The following LUZP2 variants were observed in gnomAD, a reference collection of about 807,000 sequenced individuals.
LUZP2 encodes leucine zipper protein 2.
Under a neutral mutation model 51.6 loss-of-function variants are expected in LUZP2, and 52 were observed. That is an observed-to-expected ratio of 1.01 (90% CI 0.81 to 1.27). The LOEUF is 1.27. LUZP2 is among the 50% of genes most tolerant of loss of function. The pLI is 0.00. For missense variants in LUZP2, 436 were observed against 395.4 expected (o/e 1.10, Z -0.87); for synonymous variants, 154 against 137.3 (o/e 1.12, Z -0.85).
At chr11:25,051,343 T>C (rs1318499441) in intron 10 of LUZP2, among the ~76,000 whole-genome samples, 1 of 152,076 alleles carries the variant, frequency 6.6e-6, no homozygotes, top group Non-Finnish European at 1.5e-5. Flanking sequence ...AAAAATGAAT[T>C]ACTCAACAGT....
chr11:24,959,519 T>C (rs1855328149), intron 7 of LUZP2, among the ~76,000 whole-genome samples: 1 of 152,164 alleles, frequency 6.6e-6, no homozygotes, highest in African/African-American at 2.4e-5. Flanking sequence ...TTGAAGCAAT[T>C]GTGAATGGGA....
intron 5 of LUZP2, among the ~76,000 whole-genome samples, chr11:24,880,287 A>G (rs559841308): frequency 7.0e-3 from 283 of 40,484 alleles, no homozygotes; most frequent in Admixed American, 0.015. Flanking sequence ...TCCCAAATTT[A>G]GACTCTCTCC....
intron 7 of LUZP2, among the ~76,000 whole-genome samples, chr11:24,922,825 CTTTTTTTTTTTCTTTTTTTTTTTT>C (rs1854103600): frequency 2.2e-5 from 1 of 44,622 alleles, no homozygotes; most frequent in Non-Finnish European, 6.4e-5. Flanking sequence ...ACAGTTATAT[CTTTTTTTTTTTCTTTTTTTTTTTT>C]TTTTTTTTTT....
At chr11:24,643,254 CAAA>C (rs570616833) in intron 1 of LUZP2, among the ~76,000 whole-genome samples, 2 of 75,722 alleles carry the variant, frequency 2.6e-5, no homozygotes, top group African/African-American at 5.6e-5. Context: ...ACTAAAAGTA[CAAA>C]AAAAAAAAAA....
At chr11:24,949,483 AT>A (rs1347439676) in intron 7 of LUZP2, among the ~76,000 whole-genome samples, 9 of 151,758 alleles carry the variant, frequency 5.9e-5, no homozygotes, top group African/African-American at 1.9e-4. Flanking sequence ...TTTATAAAAC[AT>A]TTTGAGTACA....
At chr11:24,739,126 G>A (rs137918708) in intron 4 of LUZP2, among the ~76,000 whole-genome samples, 1,734 of 152,172 alleles carry the variant, frequency 0.011, 14 homozygotes, top group Non-Finnish European at 0.017. Flanking sequence ...GCCACACGGG[G>A]AGGCACCCAG....
rs552044784 is a variant in LUZP2 at position 24,853,736 on chromosome 11, G to GT, written c.397-52249dup. On this transcript the variant is annotated intron_variant, in intron 5 of 11. Transcript: ENST00000336930. ...TTGGAATTTTCAGATGTTTTGCTCT[G>GT]TTTTTTCCTCATCCTCATGGATATA... is the stretch of plus-strand genomic sequence containing the variant. Among the ~76,000 whole-genome samples, 859 of 152,234 alleles carry GT rather than the reference G, an allele frequency of 5.6e-3. 12 individuals are homozygous for GT. The highest frequency in any genetic ancestry group is 0.019 in the African/African-American group (794 of 41,546).
intron 1 of LUZP2, among the ~76,000 whole-genome samples, chr11:24,557,980 T>C (rs1271993688): frequency 6.6e-6 from 1 of 152,020 alleles, no homozygotes; most frequent in Non-Finnish European, 1.5e-5. Flanking sequence ...CAGAGGAGAT[T>C]GGTGTGTGAG....
chr11:24,787,860 T>C (rs1306951586), intron 5 of LUZP2, among the ~76,000 whole-genome samples: 2 of 152,260 alleles, frequency 1.3e-5, no homozygotes, highest in Non-Finnish European at 2.9e-5. Flanking sequence ...AATTTCTGGG[T>C]TCAAGGAATC....
intron 7 of LUZP2, among the ~76,000 whole-genome samples, chr11:24,920,421 C>T (rs1479224169): frequency 6.6e-6 from 1 of 151,858 alleles, no homozygotes; most frequent in Non-Finnish European, 1.5e-5. Context: ...CAAAATTTAA[C>T]TCAGCAATCT....
At chr11:24,859,465 A>G (rs937496867) in intron 5 of LUZP2, among the ~76,000 whole-genome samples, 2 of 152,192 alleles carry the variant, frequency 1.3e-5, no homozygotes, top group African/African-American at 4.8e-5. Context: ...TGGAGTAAAT[A>G]TTTGTGATTT....
intron 5 of LUZP2, among the ~76,000 whole-genome samples, chr11:24,873,069 G>A (rs1852133113): frequency 6.6e-6 from 1 of 152,112 alleles, no homozygotes; most frequent in Non-Finnish European, 1.5e-5. Flanking sequence ...GCACACCACA[G>A]GAGCAGCTGG....
intron 1 of LUZP2, among the ~76,000 whole-genome samples, chr11:24,567,176 C>T (rs12362660): frequency 1.3e-5 from 2 of 149,690 alleles, no homozygotes; most frequent in Non-Finnish European, 3.0e-5. Context: ...GCAATTTTGT[C>T]GTTGAAAGGT....
intron 1 of LUZP2, among the ~76,000 whole-genome samples, chr11:24,517,483 CAAAAAAAAA>C (rs71041768): frequency 0.11 from 4,712 of 44,442 alleles, 216 homozygotes; most frequent in Middle Eastern, 0.35. Flanking sequence ...CAGACGCCGT[CAAAAAAAAA>C]AAAAAAAAAA....
chr11:24,930,376 G>A (rs927652979), intron 7 of LUZP2, among the ~76,000 whole-genome samples: 28 of 152,034 alleles, frequency 1.8e-4, no homozygotes, highest in African/African-American at 6.0e-4. Flanking sequence ...TTGAATATTT[G>A]TTTCAAGGTT....
chr11:24,816,412 G>C (rs1850185049), intron 5 of LUZP2, among the ~76,000 whole-genome samples: 1 of 151,956 alleles, frequency 6.6e-6, no homozygotes, highest in African/African-American at 2.4e-5. Context: ...GCACAACTAG[G>C]ATGTGAAAAA....
At chr11:24,948,820 C>G (rs1565146869) in intron 7 of LUZP2, among the ~76,000 whole-genome samples, 1 of 59,768 alleles carries the variant, frequency 1.7e-5, no homozygotes, top group African/African-American at 3.4e-5. Context: ...ATCTATCTAT[C>G]TATCATCTAT....
At chr11:24,647,435 C>T (rs952994167) in intron 1 of LUZP2, among the ~76,000 whole-genome samples, 3 of 151,700 alleles carry the variant, frequency 2.0e-5, no homozygotes, top group East Asian at 1.9e-4. Context: ...ACCACAAAGA[C>T]GAATAGCACT....
At chr11:24,800,596 A>C (rs1314663651) in intron 5 of LUZP2, among the ~76,000 whole-genome samples, 1 of 152,108 alleles carries the variant, frequency 6.6e-6, no homozygotes, top group Non-Finnish European at 1.5e-5. Flanking sequence ...GGAGGGTGAA[A>C]GTGGATTTGC....
Sources: allele counts gnomAD v4.1 joint callset (sites outside exome capture counted in the v4.1 genomes callset), GRCh38; gene constraint gnomAD v4.1.1; transcripts MANE v1.5; gene names NCBI Gene and HGNC (gene_info 2026-07-23, HGNC 2026-07-21).